HDAC4: variants seen among roughly 807,000 people sequenced by gnomAD.
HDAC4 encodes the protein histone deacetylase 4.
In HDAC4, 16 loss-of-function variants were observed where a neutral mutation model predicts 135.1. The ratio of observed to expected loss-of-function variants is 0.12; its 90% CI spans 0.08 to 0.18. The LOEUF is 0.18. Among genes scored for constraint, HDAC4 ranks in the 10% least tolerant of loss-of-function variants. The pLI is 1.00. For synonymous variants in HDAC4, 685 were observed against 653.4 expected (o/e 1.05, Z -0.74); for missense variants, 1,143 against 1,511.8 (o/e 0.76, Z 4.05).
intron 3 of HDAC4, among the ~76,000 whole-genome samples, chr2:239,194,799 A>G (rs1229416623): frequency 6.6e-6 from 1 of 152,152 alleles, no homozygotes; most frequent in African/African-American, 2.4e-5. Context: ...CCAGCAACTG[A>G]GGAGGAGGAG....
At chr2:239,346,832 AACAC>A (rs34172605) in intron 2 of HDAC4, among the ~76,000 whole-genome samples, 15,243 of 131,208 alleles carry the variant, frequency 0.12, 1,480 homozygotes, top group East Asian at 0.45. Flanking sequence ...CACACCACCT[AACAC>A]ACACACCCTG....
At position 239,306,364 on chromosome 2, in the gene HDAC4, G is replaced by C. The variant is rs2052582658; in HGVS notation, c.22+46314C>G. Among the ~76,000 whole-genome samples the C allele has an allele frequency of 6.6e-6, 1 of 152,154 alleles. No individual in the cohort carries two copies. Among genetic ancestry groups the C allele is most frequent in the Admixed American group, 6.5e-5 (1 of 15,278 alleles). ...GTCAGTGACTACAACAGAGGACACA[G>C]CCTTCCAGTGGACACGAGGACCTCA... On this transcript the variant is annotated intron_variant, in intron 2 of 26. Coordinates refer to ENST00000543185, the MANE Select transcript of HDAC4 (RefSeq NM_001378414.1). This position sits in a 1 kb window ranked among gnomAD's most constrained non-coding sequence, Gnocchi z 4.5.
At chr2:239,257,362 C>CTT (rs2049109785) in intron 2 of HDAC4, among the ~76,000 whole-genome samples, 1 of 151,664 alleles carries the variant, frequency 6.6e-6, no homozygotes, top group East Asian at 1.9e-4. Flanking sequence ...TAAAAAAAAA[C>CTT]AGTGAAGAAT....
chr2:239,205,938 G>T (rs1161033916), intron 3 of HDAC4, among the ~76,000 whole-genome samples: 1 of 152,160 alleles, frequency 6.6e-6, no homozygotes, highest in Non-Finnish European at 1.5e-5. Context: ...TAACTGCCAG[G>T]AATAAAGCAC....
At position 239,298,863 on chromosome 2, in the gene HDAC4, ATTTTTTTT is replaced by A. The variant is rs35449811; in HGVS notation, c.22+53807_22+53814del. ...AAGCAACCCTTCATGGCCATAGCCT[ATTTTTTTT>A]TTTTTTTTTTTTTTTTTGAGATGCA... On this transcript the variant is annotated intron_variant, in intron 2 of 26. Coordinates refer to ENST00000543185, the MANE Select transcript of HDAC4 (RefSeq NM_001378414.1). Among the ~76,000 whole-genome samples the A allele has an allele frequency of 3.3e-4, 27 of 82,980 alleles. No homozygotes were observed. In the South Asian group the frequency reaches 7.9e-3, roughly 24 times the overall value. The allele number at this position is 82,980 out of a possible 152,430, so 54.4% of individuals were successfully genotyped here.
At chr2:239,233,535 TAG>T (rs922666075) in intron 3 of HDAC4, among the ~76,000 whole-genome samples, 1 of 151,730 alleles carries the variant, frequency 6.6e-6, no homozygotes, top group Non-Finnish European at 1.5e-5. Context: ...TCAACCTGTA[TAG>T]ACTTTCCCAA....
At chr2:239,093,657 C>T (rs2036729209) in intron 17 of HDAC4, among the ~76,000 whole-genome samples, 1 of 152,366 alleles carries the variant, frequency 6.6e-6, no homozygotes, top group Admixed American at 6.5e-5. Flanking sequence ...GCTTTTCCAT[C>T]AGCATCTGCA....
intron 2 of HDAC4, among the ~76,000 whole-genome samples, chr2:239,284,555 A>T (rs1393008846): frequency 6.6e-6 from 1 of 152,228 alleles, no homozygotes; most frequent in Non-Finnish European, 1.5e-5. Context: ...AAAGCCCATC[A>T]GGTGCCCCTG....
chr2:239,360,454 C>T (rs1428697917), intron 1 of HDAC4, among the ~76,000 whole-genome samples: 1 of 152,200 alleles, frequency 6.6e-6, no homozygotes, highest in Non-Finnish European at 1.5e-5. Flanking sequence ...ACCCTGCCTT[C>T]CTGCAGCAGG....
intron 2 of HDAC4, among the ~76,000 whole-genome samples, chr2:239,318,264 C>T (rs188056441): frequency 2.4e-4 from 37 of 152,342 alleles, no homozygotes; most frequent in East Asian, 2.3e-3. Flanking sequence ...TCAGCAGCAA[C>T]GAAATACTGC....
chr2:239,361,990 G>A (rs1693900235), intron 1 of HDAC4, among the ~76,000 whole-genome samples: 1 of 152,202 alleles, frequency 6.6e-6, no homozygotes. Flanking sequence ...TTTGAAATGT[G>A]TATCTGTACA....
intron 8 of HDAC4, among the ~76,000 whole-genome samples, chr2:239,140,258 G>A (rs909901148): frequency 2.8e-4 from 43 of 152,298 alleles, no homozygotes; most frequent in African/African-American, 9.4e-4. Context: ...CTACATAGCA[G>A]CAAGCATCCA....
At chr2:239,251,648 G>C (rs1267537703) in intron 2 of HDAC4, among the ~76,000 whole-genome samples, 1 of 152,110 alleles carries the variant, frequency 6.6e-6, no homozygotes, top group Non-Finnish European at 1.5e-5. Context: ...AGTACCTGCA[G>C]TCCTAGCTCC....
chr2:239,096,743 C>A (rs1180005888), intron 16 of HDAC4, among the ~76,000 whole-genome samples: 1 of 140,238 alleles, frequency 7.1e-6, no homozygotes, highest in Non-Finnish European at 1.5e-5. Flanking sequence ...GACATCCACA[C>A]GGACACCAGC....
chr2:239,116,594 C>T (rs1460396733), intron 12 of HDAC4, among the ~76,000 whole-genome samples: 3 of 152,258 alleles, frequency 2.0e-5, no homozygotes, highest in Non-Finnish European at 4.4e-5. Flanking sequence ...CAACGCTTTG[C>T]AATCTTCTTC....
At chr2:239,136,974 A>T (rs1051781752) in intron 9 of HDAC4, among the ~76,000 whole-genome samples, 1 of 152,146 alleles carries the variant, frequency 6.6e-6, no homozygotes, top group Non-Finnish European at 1.5e-5. Context: ...TTTCCTAGGC[A>T]ATTTTTTTTT....
intron 20 of HDAC4, 142 bp downstream of exon 20, chr2:239,084,013 C>A: frequency 1.4e-6 from 1 of 708,422 alleles, no homozygotes; most frequent in Non-Finnish European, 2.6e-6. Context: ...TGGGGCTTTA[C>A]TTCTCCGCAT....
At chr2:239,081,285 G>C in intron 21 of HDAC4, 93 bp from the exon 22 acceptor site, 6 of 990,382 alleles carry the variant, frequency 6.1e-6, no homozygotes, top group East Asian at 2.6e-5. Flanking sequence ...GGATGGGCTC[G>C]GCCTTGGTGG....
intron 2 of HDAC4, among the ~76,000 whole-genome samples, chr2:239,324,481 T>G (rs895654744): frequency 1.3e-5 from 2 of 152,240 alleles, no homozygotes; most frequent in Non-Finnish European, 2.9e-5. Flanking sequence ...GTGTTTGCTC[T>G]CCAGGGGCCA....
Sources: allele counts gnomAD v4.1 joint callset (sites outside exome capture counted in the v4.1 genomes callset), GRCh38; gene constraint gnomAD v4.1.1; non-coding constraint Gnocchi (gnomAD v3.1); transcripts MANE v1.5; gene names NCBI Gene and HGNC (gene_info 2026-07-23, HGNC 2026-07-21).